The following ZCWPW2 variants were observed in gnomAD, a reference collection of about 807,000 sequenced individuals.
ZCWPW2 encodes the protein zinc finger CW-type and PWWP domain containing 2, also known as zinc finger CW-type PWWP domain protein 2.
ZCWPW2 carries 45 observed loss-of-function variants against 46.6 expected under a neutral mutation model. That is an observed-to-expected ratio of 0.96 (90% CI 0.76 to 1.24). The LOEUF (loss-of-function observed/expected upper bound fraction) is 1.24. Ranked by LOEUF, ZCWPW2 falls within the 50% of genes most tolerant of loss-of-function variation. The pLI is 0.00. For missense variants in ZCWPW2, 429 were observed against 403.9 expected (o/e 1.06, Z -0.53); for synonymous variants, 152 against 137.1 (o/e 1.11, Z -0.76).
intron 1 of ZCWPW2, among the ~76,000 whole-genome samples, chr3:28,371,051 A>G (rs1223146557): frequency 6.6e-6 from 1 of 152,058 alleles, no homozygotes; most frequent in African/African-American, 2.4e-5. Flanking sequence ...TTTAACTATA[A>G]TTAGTTACAG....
chr3:28,435,135 C>T lies in ZCWPW2; in HGVS notation c.358C>T (p.Arg120Cys), dbSNP rs763828946. 2.5e-6 allele frequency: 4 copies of T among 1,610,926 alleles called. No homozygotes were observed. Among genetic ancestry groups the T allele is most frequent in the Non-Finnish European group, 3.4e-6 (4 of 1,179,446 alleles). Residue 120 changes from arginine (R) to cysteine (C), a missense_variant, in exon 4 of 10, where the codon CGT (arginine) becomes TGT (cysteine). Coordinates refer to ENST00000383768, the MANE Select transcript of ZCWPW2 (RefSeq NM_001040432.4). ...TTGGCCAGGAATACTTTGCCCTGAC[C>T]GTTTTAAAGGGAAATATGTAACTTA... is the stretch of plus-strand genomic sequence containing the variant. ...PSWPGILCPDRFKGKYVTYDP... is the reference protein window; with the variant it reads ...PSWPGILCPDCFKGKYVTYDP...
chr3:28,496,997 C>A (rs944928428), intron 6 of ZCWPW2, among the ~76,000 whole-genome samples: 3 of 149,600 alleles, frequency 2.0e-5, no homozygotes, highest in African/African-American at 7.3e-5. Flanking sequence ...TACTTATATA[C>A]ATTATATAAT....
In ZCWPW2 at chr3:28,453,993, C is replaced by T. The variant is rs554135109; in HGVS notation, c.492+18724C>T. Among the ~76,000 whole-genome samples, 19 of 151,586 alleles carry T rather than the reference C, an allele frequency of 1.3e-4. No homozygotes were observed. The South Asian group carries it at 2.7e-3, about 22-fold the overall frequency. ...CCGAGTATCTGGGACTACAGGCACC[C>T]GCCACCACGCCCGGCTAATTTTTTG... On this transcript the variant is annotated intron_variant, in intron 4 of 9. Transcript: ENST00000383768.
chr3:28,354,187 C>A (rs917793023), intron 1 of ZCWPW2, among the ~76,000 whole-genome samples: 2 of 151,818 alleles, frequency 1.3e-5, no homozygotes, highest in African/African-American at 4.8e-5. Context: ...CCACCGATCC[C>A]ACAGAGATAC....
intron 5 of ZCWPW2, among the ~76,000 whole-genome samples, chr3:28,482,389 A>G (rs552970737): frequency 6.6e-6 from 1 of 151,976 alleles, no homozygotes; most frequent in African/African-American, 2.4e-5. Context: ...ATTTTTTAAA[A>G]TCATTCACCT....
chr3:28,452,386 G>GCGATTCTC (rs1237512283), intron 4 of ZCWPW2, among the ~76,000 whole-genome samples: 1 of 152,146 alleles, frequency 6.6e-6, no homozygotes, highest in Non-Finnish European at 1.5e-5. Flanking sequence ...CCCAGTTCAA[G>GCGATTCTC]CGATTCTCCT....
At chr3:28,501,984 T>C (rs1171026954) in intron 6 of ZCWPW2, among the ~76,000 whole-genome samples, 1 of 151,944 alleles carries the variant, frequency 6.6e-6, no homozygotes, top group Non-Finnish European at 1.5e-5. Flanking sequence ...TGGCCTCCCG[T>C]AGTGCTGGGA....
chr3:28,445,361 A>G (rs1575143432), intron 4 of ZCWPW2, among the ~76,000 whole-genome samples: 1 of 152,180 alleles, frequency 6.6e-6, no homozygotes, highest in East Asian at 1.9e-4. Flanking sequence ...ATTAGTTTAT[A>G]TTTTTGGGCA....
At position 28,374,146 on chromosome 3, in the gene ZCWPW2, C is replaced by G. The variant is rs367926710; in HGVS notation, c.-133-16352C>G. ...CACATCCTAGATTTAAGTCTTTAGT[C>G]CATTTTGATTTGATTCTTGTACATG... On this transcript the variant is annotated intron_variant, in intron 1 of 9. Coordinates refer to ENST00000383768, the MANE Select transcript of ZCWPW2 (RefSeq NM_001040432.4). 2.3e-3 allele frequency among the ~76,000 whole-genome samples: 347 copies of G among 152,186 alleles called. 1 individual carries two copies. The highest frequency in any genetic ancestry group is 8.0e-3 in the African/African-American group (330 of 41,502).
At chr3:28,388,031 A>G (rs190886088) in intron 1 of ZCWPW2, among the ~76,000 whole-genome samples, 1 of 152,138 alleles carries the variant, frequency 6.6e-6, no homozygotes, top group African/African-American at 2.4e-5. Context: ...ATGGTGGGGT[A>G]GGTTAGCAGG....
At position 28,524,553 on chromosome 3, in the gene ZCWPW2, T is replaced by C. The variant is rs1310466868; in HGVS notation, c.936T>C (p.Pro312=). The stretch of plus-strand genomic sequence containing the variant: ...TATCTAAATGCAGCCCAGAAGCTCC[T>C]GCAGGCAGTCTGTTTGAAAACCACT... ...EKLSKCSPEA[P]AGSLFENHYE... The change falls in exon 10 of 10, where the codon CCT becomes CCC. Residue 312 remains proline (P), a synonymous_variant. Transcript: ENST00000383768. 6.2e-7 allele frequency: 1 copy of C among 1,605,988 alleles called. No homozygotes were observed.
chr3:28,442,979 T>C (rs528369020), intron 4 of ZCWPW2, among the ~76,000 whole-genome samples: 1 of 152,320 alleles, frequency 6.6e-6, no homozygotes, highest in Admixed American at 6.5e-5. Context: ...AGCCCTCACC[T>C]TACCAGTCAG....
intron 4 of ZCWPW2, 63 bp from the exon 5 acceptor site, chr3:28,478,750 TG>T: frequency 2.5e-6 from 2 of 811,798 alleles, no homozygotes; most frequent in Non-Finnish European, 3.6e-6. Flanking sequence ...GCTTAATAAG[TG>T]GATTTTAAAA....
At chr3:28,392,222 G>A (rs1396593690) in intron 2 of ZCWPW2, among the ~76,000 whole-genome samples, 2 of 152,022 alleles carry the variant, frequency 1.3e-5, no homozygotes, top group Admixed American at 1.3e-4. Flanking sequence ...GATGAAACAA[G>A]GTCATTATAT....
intron 6 of ZCWPW2, among the ~76,000 whole-genome samples, chr3:28,503,041 G>A (rs1026542944): frequency 4.6e-5 from 7 of 151,972 alleles, no homozygotes; most frequent in African/African-American, 1.5e-4. Flanking sequence ...CGTACATAAT[G>A]CCCATTTAAA....
intron 6 of ZCWPW2, among the ~76,000 whole-genome samples, chr3:28,500,462 C>T (rs1010751597): frequency 1.3e-5 from 2 of 152,014 alleles, no homozygotes; most frequent in African/African-American, 2.4e-5. Flanking sequence ...TGTTTACCTA[C>T]AGAAATTATG....
intron 4 of ZCWPW2, among the ~76,000 whole-genome samples, chr3:28,457,031 G>C (rs574516821): frequency 2.6e-5 from 4 of 152,228 alleles, no homozygotes; most frequent in South Asian, 4.1e-4. Flanking sequence ...TTTTGGAATA[G>C]TGTCAGTAGG....
At chr3:28,423,008 A>C (rs1439306641) in intron 3 of ZCWPW2, among the ~76,000 whole-genome samples, 1 of 152,102 alleles carries the variant, frequency 6.6e-6, no homozygotes, top group Non-Finnish European at 1.5e-5. Flanking sequence ...CTTCTTTGGT[A>C]GGGTGTCTGT....
At chr3:28,451,039 T>C (rs1698204920) in intron 4 of ZCWPW2, among the ~76,000 whole-genome samples, 1 of 152,140 alleles carries the variant, frequency 6.6e-6, no homozygotes, top group Non-Finnish European at 1.5e-5. Context: ...GCTAGTGAAA[T>C]ATCATCCAGA....
Sources: allele counts gnomAD v4.1 joint callset (sites outside exome capture counted in the v4.1 genomes callset), GRCh38; gene constraint gnomAD v4.1.1; transcripts MANE v1.5; gene names NCBI Gene and HGNC (gene_info 2026-07-23, HGNC 2026-07-21).